The following NTRK3 variants were observed in gnomAD, a reference collection of about 807,000 sequenced individuals.
NTRK3 encodes NT-3 growth factor receptor.
NTRK3 carries 24 observed loss-of-function variants against 91.7 expected under a neutral mutation model. That is an observed-to-expected ratio of 0.26 (90% confidence interval 0.19 to 0.37). The LOEUF is 0.37. NTRK3 is among the 10% of genes least tolerant of loss of function. The pLI, the probability that NTRK3 is intolerant of heterozygous loss-of-function variation, is 1.00. For synonymous variants in NTRK3, 483 were observed against 404.0 expected (o/e 1.20, Z -2.34); for missense variants, 880 against 1,068.9 (o/e 0.82, Z 2.46).
intron 3 of NTRK3, among the ~76,000 whole-genome samples, chr15:88,232,076 C>A (rs964146517): frequency 6.6e-6 from 1 of 152,130 alleles, no homozygotes; most frequent in Non-Finnish European, 1.5e-5. Context: ...GCTCATGGCC[C>A]CTCCATGCTC....
chr15:88,106,861 A>C (rs1411474774), intron 13 of NTRK3, among the ~76,000 whole-genome samples: 2 of 151,788 alleles, frequency 1.3e-5, no homozygotes, highest in Admixed American at 6.6e-5. Flanking sequence ...TGAACCTGGG[A>C]GGTGGAGGTT....
At position 87,888,725 on chromosome 15, in the gene NTRK3, A is replaced by C. The variant is rs1475284593; in HGVS notation, c.2134-8297T>G. Among the ~76,000 whole-genome samples, 3 of 152,112 alleles carry C rather than the reference A, an allele frequency of 2.0e-5. No homozygotes were observed. In the East Asian group the frequency reaches 5.8e-4, roughly 29 times the overall value. On this transcript the variant is annotated intron_variant, in intron 17 of 18. Coordinates refer to ENST00000394480, the Ensembl canonical transcript of NTRK3. ...AACAACATTTTAAAAAATTATACTT[A>C]TGTCCCAGATATTGCATAGAACATA...
At chr15:88,152,428 G>T (rs2043470897) in intron 5 of NTRK3, among the ~76,000 whole-genome samples, 1 of 152,164 alleles carries the variant, frequency 6.6e-6, no homozygotes, top group Non-Finnish European at 1.5e-5. Flanking sequence ...AATCCAATAT[G>T]ACTAGTGTCC....
chr15:87,929,051 AGATAACTGTT>A, intron 17 of NTRK3, 130 bp downstream of exon 17: 1 of 1,278,894 alleles, frequency 7.8e-7, no homozygotes, highest in Non-Finnish European at 1.1e-6. Context: ...AGAGGCCAAA[AGATAACTGTT>A]GAGTGCATGT....
intron 17 of NTRK3, among the ~76,000 whole-genome samples, chr15:87,922,401 T>C (rs2067949856): frequency 6.6e-6 from 1 of 152,176 alleles, no homozygotes; most frequent in South Asian, 2.1e-4. Flanking sequence ...GGTCCTCCCA[T>C]TAAACTAATG....
chr15:88,041,163 T>A (rs1433671992), intron 13 of NTRK3, among the ~76,000 whole-genome samples: 3 of 152,202 alleles, frequency 2.0e-5, no homozygotes, highest in African/African-American at 7.2e-5. Flanking sequence ...TCAGTGCATC[T>A]AGGGATGGAC....
intron 13 of NTRK3, among the ~76,000 whole-genome samples, chr15:88,106,502 G>C: frequency 6.6e-6 from 1 of 152,228 alleles, no homozygotes. Flanking sequence ...GAGCTTTGCA[G>C]AGTAATGGAA....
At chr15:88,027,535 A>G (rs2078142533) in intron 14 of NTRK3, among the ~76,000 whole-genome samples, 2 of 152,154 alleles carry the variant, frequency 1.3e-5, no homozygotes, top group Admixed American at 6.5e-5. Flanking sequence ...GGCACCTGCC[A>G]CCATGCCCGG....
At chr15:88,027,549 A>G (rs913746865) in intron 14 of NTRK3, among the ~76,000 whole-genome samples, 21 of 152,052 alleles carry the variant, frequency 1.4e-4, no homozygotes, top group Admixed American at 1.3e-3. Context: ...TGCCCGGCTA[A>G]TTTTTTGTAT....
At chr15:88,104,640 C>T (rs1463587665) in intron 13 of NTRK3, among the ~76,000 whole-genome samples, 1 of 152,148 alleles carries the variant, frequency 6.6e-6, no homozygotes, top group Non-Finnish European at 1.5e-5. Context: ...GGCTGTCTGC[C>T]CTCTCCCAGT....
intron 14 of NTRK3, among the ~76,000 whole-genome samples, chr15:87,991,337 G>A (rs1373749380): frequency 6.6e-6 from 1 of 152,122 alleles, no homozygotes; most frequent in Non-Finnish European, 1.5e-5. Flanking sequence ...AAACCTACCG[G>A]ATTGGGATCT....
intron 13 of NTRK3, among the ~76,000 whole-genome samples, chr15:88,079,878 T>C (rs1221675044): frequency 6.6e-6 from 1 of 152,170 alleles, no homozygotes; most frequent in Non-Finnish European, 1.5e-5. Context: ...ATAACCCCAA[T>C]TAAATGGCTG....
chr15:88,210,826 C>T (rs1178090479), intron 3 of NTRK3, among the ~76,000 whole-genome samples: 2 of 152,164 alleles, frequency 1.3e-5, no homozygotes, highest in African/African-American at 4.8e-5. Flanking sequence ...AGAGAGCGGG[C>T]TCCTGGGACA....
intron 14 of NTRK3, among the ~76,000 whole-genome samples, chr15:87,971,093 G>A (rs2073221315): frequency 6.6e-6 from 1 of 152,206 alleles, no homozygotes; most frequent in Non-Finnish European, 1.5e-5. Flanking sequence ...CAGCCATAAA[G>A]ATTGAACGAT....
At chr15:88,188,714 C>G (rs2047147689) in intron 3 of NTRK3, among the ~76,000 whole-genome samples, 1 of 152,216 alleles carries the variant, frequency 6.6e-6, no homozygotes, top group South Asian at 2.1e-4. Flanking sequence ...CTCCCAGGAC[C>G]CTCTCAAGTC....
At chr15:87,985,864 CAA>C (rs1228452587) in intron 14 of NTRK3, among the ~76,000 whole-genome samples, 1 of 151,790 alleles carries the variant, frequency 6.6e-6, no homozygotes, top group South Asian at 2.1e-4. Flanking sequence ...GGCTCTAACT[CAA>C]AAAAAGGGGG....
At chr15:88,101,202 C>A (rs900304499) in intron 13 of NTRK3, among the ~76,000 whole-genome samples, 1 of 152,070 alleles carries the variant, frequency 6.6e-6, no homozygotes, top group Non-Finnish European at 1.5e-5. Context: ...AAAAAGTGGG[C>A]GAAGGATATG....
chr15:88,243,344 C>G lies in NTRK3; in HGVS notation c.248+12562G>C, dbSNP rs536020496. On this transcript the variant is annotated intron_variant, in intron 3 of 18. Transcript: ENST00000394480. This position sits in a 1 kb window ranked among gnomAD's most constrained non-coding sequence, Gnocchi z 4.8. ...AAATAACTTCCTGAGCCTGGCCCGTCTGCCAACGCTCCCTCCTGGATCTCA... is the reference window on the plus strand; with the variant it reads ...AAATAACTTCCTGAGCCTGGCCCGTGTGCCAACGCTCCCTCCTGGATCTCA... Among the ~76,000 whole-genome samples, 50 of 152,252 alleles carry G rather than the reference C, an allele frequency of 3.3e-4. No individual in the cohort carries two copies. The highest frequency in any genetic ancestry group is 1.2e-3 in the African/African-American group (49 of 41,544).
chr15:87,962,356 A>G (rs1191339524), intron 14 of NTRK3, among the ~76,000 whole-genome samples: 1 of 152,124 alleles, frequency 6.6e-6, no homozygotes, highest in Non-Finnish European at 1.5e-5. Context: ...CTCCTGCCTG[A>G]CCATCTTTGG....
Sources: gnomAD v4.1 joint callset for allele counts (sites outside exome capture counted in the v4.1 genomes callset) on GRCh38, gnomAD v4.1.1 for gene constraint, Gnocchi (gnomAD v3.1) non-coding constraint, MANE v1.5 for transcripts, NCBI Gene and HGNC (gene_info 2026-07-23, HGNC 2026-07-21) for gene names.